Variants in PDE3A observed in about 807,000 individuals in gnomAD.
PDE3A encodes cGMP-inhibited 3',5'-cyclic phosphodiesterase 3A.
A neutral mutation model predicts 98.3 loss-of-function variants in PDE3A; 43 were observed. The ratio of observed to expected loss-of-function variants is 0.44; its 90% CI spans 0.34 to 0.56. The LOEUF (loss-of-function observed/expected upper bound fraction) is 0.56. Ranked by LOEUF, PDE3A falls within the 20% of genes least tolerant of loss-of-function variation. PDE3A has a pLI of 0.01. For missense variants in PDE3A, 1,427 were observed against 1,440.7 expected (o/e 0.99, Z 0.15); for synonymous variants, 663 against 567.9 (o/e 1.17, Z -2.38).
At chr12:20,499,140 C>G (rs1285385060) in intron 1 of PDE3A, among the ~76,000 whole-genome samples, 1 of 152,154 alleles carries the variant, frequency 6.6e-6, no homozygotes, top group Non-Finnish European at 1.5e-5. Context: ...TTTACTTAGT[C>G]TAACGGTTCT....
chr12:20,487,929 T>G (rs1356745544), intron 1 of PDE3A, among the ~76,000 whole-genome samples: 4 of 152,220 alleles, frequency 2.6e-5, no homozygotes, highest in African/African-American at 9.6e-5. Flanking sequence ...ACAGCTCATA[T>G]TGATATATAT....
At chr12:20,664,195 C>T (rs1009875531) in intron 15 of PDE3A, among the ~76,000 whole-genome samples, 1 of 152,040 alleles carries the variant, frequency 6.6e-6, no homozygotes, top group African/African-American at 2.4e-5. Flanking sequence ...AATTAAACCT[C>T]TTTCCTTTAT....
intron 13 of PDE3A, among the ~76,000 whole-genome samples, 179 bp from the exon 14 acceptor site, chr12:20,650,266 C>T (rs1020129859): frequency 3.3e-5 from 5 of 151,988 alleles, no homozygotes; most frequent in African/African-American, 7.2e-5. Flanking sequence ...TTTTTGTGAA[C>T]TATTTTTACC....
chr12:20,506,099 GGTGT>G (rs56148951), intron 1 of PDE3A, among the ~76,000 whole-genome samples: 16,709 of 148,750 alleles, frequency 0.11, 1,609 homozygotes, highest in African/African-American at 0.26. Flanking sequence ...TCTAAAGGAA[GGTGT>G]GTGTGTGTGT....
In PDE3A at chr12:20,686,982, A is replaced by G. The variant is rs564360611; in HGVS notation, c.*6711A>G. ...TGACTTGTGGATACACTGTTCAACC[A>G]TGACTTCCTTTATGACAAGGAGCAC... is the stretch of plus-strand genomic sequence containing the variant. On this transcript the variant is annotated 3_prime_UTR_variant, in exon 16 of 16. Coordinates refer to ENST00000359062, the MANE Select transcript of PDE3A (RefSeq NM_000921.5). Among the ~76,000 whole-genome samples the G allele has an allele frequency of 1.1e-3, 175 of 152,228 alleles. 1 individual carries two copies. The highest frequency in any genetic ancestry group is 1.9e-3 in the Non-Finnish European group (131 of 67,984).
intron 1 of PDE3A, among the ~76,000 whole-genome samples, chr12:20,392,522 AATAAATAAATAC>A (rs199912469): frequency 0.11 from 9,020 of 84,524 alleles, 422 homozygotes; most frequent in East Asian, 0.33. Context: ...TAAATAAATA[AATAAATAAATAC>A]ATAAATAAAT....
intron 2 of PDE3A, among the ~76,000 whole-genome samples, chr12:20,571,310 A>AACAG (rs1942797493): frequency 6.6e-6 from 1 of 152,176 alleles, no homozygotes; most frequent in South Asian, 2.1e-4. Context: ...AAGACAGGGA[A>AACAG]ACAGCATTGA....
intron 2 of PDE3A, among the ~76,000 whole-genome samples, chr12:20,599,281 A>C (rs1943535043): frequency 6.6e-6 from 1 of 151,974 alleles, no homozygotes; most frequent in African/African-American, 2.4e-5. Flanking sequence ...CCAGTTGGCC[A>C]ATCTTTCTTT....
chr12:20,600,668 T>A (rs1159017101), intron 2 of PDE3A, among the ~76,000 whole-genome samples: 1 of 152,222 alleles, frequency 6.6e-6, no homozygotes, highest in African/African-American at 2.4e-5. Flanking sequence ...GGATTGCTTT[T>A]TGTGTCAGTA....
chr12:20,636,622 A>G (rs1944520470), intron 8 of PDE3A, among the ~76,000 whole-genome samples: 1 of 152,192 alleles, frequency 6.6e-6, no homozygotes, highest in Non-Finnish European at 1.5e-5. Flanking sequence ...TTAATTAATA[A>G]TAGTAGGAAT....
At chr12:20,543,869 C>T (rs1941985686) in intron 1 of PDE3A, among the ~76,000 whole-genome samples, 2 of 151,888 alleles carry the variant, frequency 1.3e-5, no homozygotes, top group Non-Finnish European at 2.9e-5. Context: ...CCTAATGATT[C>T]ATTTAATGCT....
At chr12:20,438,161 A>G (rs1944810392) in intron 1 of PDE3A, among the ~76,000 whole-genome samples, 1 of 152,030 alleles carries the variant, frequency 6.6e-6, no homozygotes, top group Non-Finnish European at 1.5e-5. Flanking sequence ...AATTAGTTCC[A>G]TTTTCTCCAG....
At chr12:20,491,691 A>G (rs1239151528) in intron 1 of PDE3A, among the ~76,000 whole-genome samples, 1 of 152,148 alleles carries the variant, frequency 6.6e-6, no homozygotes, top group Non-Finnish European at 1.5e-5. Flanking sequence ...CACATTGTCT[A>G]GACCTCTGTG....
intron 1 of PDE3A, among the ~76,000 whole-genome samples, chr12:20,553,856 C>T (rs1261079644): frequency 6.6e-6 from 1 of 151,752 alleles, no homozygotes; most frequent in African/African-American, 2.4e-5. Context: ...AAATGTCAAC[C>T]AGATTCTAGA....
At chr12:20,638,219 C>T (rs1019972202) in intron 9 of PDE3A, among the ~76,000 whole-genome samples, 1 of 152,128 alleles carries the variant, frequency 6.6e-6, no homozygotes, top group Non-Finnish European at 1.5e-5. Context: ...CAATGTGGAA[C>T]TTCGTTTGGG....
chr12:20,517,564 A>C (rs796832422), intron 1 of PDE3A, among the ~76,000 whole-genome samples: 2 of 152,284 alleles, frequency 1.3e-5, no homozygotes, highest in African/African-American at 4.8e-5. Flanking sequence ...TCCTATGACA[A>C]ACTGAGTATT....
chr12:20,391,071 A>C (rs1277127098), intron 1 of PDE3A, among the ~76,000 whole-genome samples: 2 of 151,902 alleles, frequency 1.3e-5, no homozygotes, highest in African/African-American at 4.8e-5. Context: ...ACCTTTGATC[A>C]CACTTAAAAA....
chr12:20,637,824 A>G (rs1020202020), intron 9 of PDE3A, among the ~76,000 whole-genome samples: 1 of 152,166 alleles, frequency 6.6e-6, no homozygotes, highest in Non-Finnish European at 1.5e-5. Context: ...TGTTTTGCTG[A>G]AGAAGAAAGA....
chr12:20,534,679 T>C (rs1386239497), intron 1 of PDE3A, among the ~76,000 whole-genome samples: 6 of 152,212 alleles, frequency 3.9e-5, no homozygotes, highest in Non-Finnish European at 5.9e-5. Context: ...CAGGCTGCAA[T>C]TGAGATATAG....
Sources: gnomAD v4.1 joint callset for allele counts (sites outside exome capture counted in the v4.1 genomes callset) on GRCh38, gnomAD v4.1.1 for gene constraint, MANE v1.5 for transcripts, NCBI Gene and HGNC (gene_info 2026-07-23, HGNC 2026-07-21) for gene names.